Variants in AP3B1 observed in about 807,000 individuals in gnomAD.
AP3B1 encodes the protein adaptor related protein complex 3 subunit beta 1, also known as AP-3 complex subunit beta-1.
Under a neutral mutation model 132.5 loss-of-function variants are expected in AP3B1, and 61 were observed. The observed-to-expected ratio is 0.46, with a 90% CI of 0.37 to 0.57. AP3B1 has a LOEUF of 0.57. Among genes scored for constraint, AP3B1 ranks in the 20% least tolerant of loss-of-function variants. The pLI, the probability that AP3B1 is intolerant of heterozygous loss-of-function variation, is 0.00. For synonymous variants in AP3B1, 388 were observed against 438.3 expected, an observed-to-expected ratio of 0.89 and a Z score of 1.43; for missense variants, 1,120 against 1,289.4, an observed-to-expected ratio of 0.87 and a Z score of 2.01.
chr5:78,126,504 CAAAAA>C (rs70997969), intron 17 of AP3B1, among the ~76,000 whole-genome samples: 28 of 62,382 alleles, frequency 4.5e-4, no homozygotes, highest in African/African-American at 1.6e-3. Context: ...GACTCTGTCT[CAAAAA>C]AAAAAAAAAA....
intron 20 of AP3B1, among the ~76,000 whole-genome samples, chr5:78,107,947 C>A (rs977214577): frequency 6.6e-6 from 1 of 152,104 alleles, no homozygotes; most frequent in African/African-American, 2.4e-5. Context: ...TAACATAACA[C>A]TTGAAAGAAG....
chr5:78,213,027 G>A (rs1745810723), intron 7 of AP3B1, among the ~76,000 whole-genome samples: 4 of 151,958 alleles, frequency 2.6e-5, no homozygotes, highest in South Asian at 4.2e-4. Flanking sequence ...ACAGGTGCCC[G>A]CCACCGTGCC....
chr5:78,048,416 G>A lies in AP3B1; in HGVS notation c.2578-9142C>T, dbSNP rs1320592089. On this transcript the variant is annotated intron_variant, in intron 22 of 26. Transcript: ENST00000255194. ...CTACTATTTTCTAGAAACACATTCA[G>A]CCCATGATGGAGCTGGCAAGTTCTT... Among the ~76,000 whole-genome samples, 3 of 152,108 alleles carry A rather than the reference G, an allele frequency of 2.0e-5. No individual in the cohort carries two copies. The East Asian group carries it at 5.8e-4, about 29-fold the overall frequency.
At chr5:78,076,007 A>G (rs1167718885) in intron 22 of AP3B1, among the ~76,000 whole-genome samples, 2 of 152,242 alleles carry the variant, frequency 1.3e-5, no homozygotes, top group African/African-American at 4.8e-5. Flanking sequence ...AGCTGTGTCA[A>G]ATATTGAAAG....
At chr5:78,103,741 G>GTA (rs1480183097) in intron 20 of AP3B1, among the ~76,000 whole-genome samples, 4 of 151,986 alleles carry the variant, frequency 2.6e-5, no homozygotes, top group Non-Finnish European at 1.5e-5. Context: ...TGTTTCTATG[G>GTA]TATTCAATTA....
chr5:78,279,656 C>G (rs769644966), intron 1 of AP3B1, among the ~76,000 whole-genome samples: 1 of 151,730 alleles, frequency 6.6e-6, no homozygotes, highest in South Asian at 2.1e-4. Context: ...TGCCTGCAAT[C>G]CCAAGACTTT....
At chr5:78,193,732 G>GTGTATATATATATATATATATATATC (rs1340871803) in intron 7 of AP3B1, among the ~76,000 whole-genome samples, 11 of 89,226 alleles carry the variant, frequency 1.2e-4, no homozygotes, top group Admixed American at 1.2e-3. Context: ...TTAAATATTT[G>GTGTATATATATATATATATATATATC]TATATATTTT....
chr5:78,138,842 T>C (rs150241925), intron 15 of AP3B1, among the ~76,000 whole-genome samples: 1,615 of 151,212 alleles, frequency 0.011, 33 homozygotes, highest in African/African-American at 0.037. Flanking sequence ...TGGTGGCACA[T>C]GCCTGTAATC....
At chr5:78,099,198 C>A (rs1485036399) in intron 21 of AP3B1, among the ~76,000 whole-genome samples, 1 of 152,184 alleles carries the variant, frequency 6.6e-6, no homozygotes, top group African/African-American at 2.4e-5. Flanking sequence ...GACTTCCCAG[C>A]CTCCAGAACT....
chr5:78,040,890 T>C (rs1002877521), intron 22 of AP3B1, among the ~76,000 whole-genome samples: 1 of 152,202 alleles, frequency 6.6e-6, no homozygotes, highest in Non-Finnish European at 1.5e-5. Context: ...ATATCATATA[T>C]ACAAAATGCT....
intron 8 of AP3B1, among the ~76,000 whole-genome samples, chr5:78,179,116 A>G (rs902946897): frequency 2.0e-5 from 3 of 152,204 alleles, no homozygotes; most frequent in African/African-American, 7.2e-5. Context: ...ATCTTATAAA[A>G]TAAAAGAATC....
intron 14 of AP3B1, among the ~76,000 whole-genome samples, chr5:78,145,686 A>G (rs1753360353): frequency 1.3e-5 from 2 of 152,172 alleles, no homozygotes; most frequent in African/African-American, 4.8e-5. Flanking sequence ...CACATTGTGC[A>G]ATGGCTCCCT....
At chr5:78,072,360 A>G (rs1234757832) in intron 22 of AP3B1, among the ~76,000 whole-genome samples, 2 of 152,242 alleles carry the variant, frequency 1.3e-5, no homozygotes, top group Non-Finnish European at 2.9e-5. Context: ...CACCTAAAAT[A>G]CAGTATTCAC....
intron 1 of AP3B1, among the ~76,000 whole-genome samples, chr5:78,286,800 A>G (rs1362028116): frequency 6.6e-6 from 1 of 152,190 alleles, no homozygotes; most frequent in African/African-American, 2.4e-5. Flanking sequence ...TATTGGCTAT[A>G]AACTGTTCAC....
At chr5:78,179,664 G>A (rs919624090) in intron 8 of AP3B1, among the ~76,000 whole-genome samples, 1 of 152,024 alleles carries the variant, frequency 6.6e-6, no homozygotes. Flanking sequence ...TAGACTGTTA[G>A]AATAGCCTCC....
intron 22 of AP3B1, among the ~76,000 whole-genome samples, chr5:78,039,593 G>C (rs1284767889): frequency 6.6e-6 from 1 of 151,952 alleles, no homozygotes; most frequent in Non-Finnish European, 1.5e-5. Context: ...CGCTAACACG[G>C]TGAAACTCCG....
intron 17 of AP3B1, among the ~76,000 whole-genome samples, chr5:78,119,867 C>A (rs1414414563): frequency 6.6e-6 from 1 of 152,130 alleles, no homozygotes; most frequent in Non-Finnish European, 1.5e-5. Flanking sequence ...TTGAGAAGAG[C>A]AACTCCAAGA....
At chr5:78,052,394 A>G (rs7711489) in intron 22 of AP3B1, among the ~76,000 whole-genome samples, 5,883 of 152,290 alleles carry the variant, frequency 0.039, 374 homozygotes, top group African/African-American at 0.13. Flanking sequence ...TCCACTGTCT[A>G]TTTTTGCAAT....
At chr5:78,209,095 TACAC>T (rs141012498) in intron 7 of AP3B1, among the ~76,000 whole-genome samples, 227 of 150,060 alleles carry the variant, frequency 1.5e-3, no homozygotes, top group Non-Finnish European at 1.9e-3. Context: ...GAAAGGTAAA[TACAC>T]ACACACACAC....
Sources: allele counts gnomAD v4.1 joint callset (sites outside exome capture counted in the v4.1 genomes callset), GRCh38; gene constraint gnomAD v4.1.1; transcripts MANE v1.5; gene names NCBI Gene and HGNC (gene_info 2026-07-23, HGNC 2026-07-21).